Variants in TSPAN14 observed in about 807,000 individuals in gnomAD.
The protein encoded by TSPAN14 is tetraspanin 14.
A neutral mutation model predicts 36.6 loss-of-function variants in TSPAN14; 16 were observed. The observed-to-expected ratio is 0.44, with a 90% CI of 0.30 to 0.66. The LOEUF (loss-of-function observed/expected upper bound fraction) is 0.66. Among genes scored for constraint, TSPAN14 ranks in the 30% least tolerant of loss-of-function variants. The pLI, the probability that TSPAN14 is intolerant of heterozygous loss-of-function variation, is 0.12. For synonymous variants in TSPAN14, 139 were observed against 143.8 expected, an observed-to-expected ratio of 0.97 and a Z score of 0.24; for missense variants, 231 against 355.1, an observed-to-expected ratio of 0.65 and a Z score of 2.81.
At chr10:80,516,173 A>C in intron 7 of TSPAN14, 31 bp from the exon 8 acceptor site, 2 of 1,613,950 alleles carry the variant, frequency 1.2e-6, no homozygotes, top group Non-Finnish European at 1.7e-6. Context: ...TGTGTGCCAA[A>C]GGCTCAGACC....
At chr10:80,503,617 G>A (rs139692063) in intron 2 of TSPAN14, among the ~76,000 whole-genome samples, 238 of 152,174 alleles carry the variant, frequency 1.6e-3, no homozygotes, top group African/African-American at 5.4e-3. Context: ...AAAATACTGG[G>A]CATGTGTGCA....
intron 2 of TSPAN14, among the ~76,000 whole-genome samples, chr10:80,498,169 T>C (rs1197547614): frequency 6.6e-6 from 1 of 152,210 alleles, no homozygotes; most frequent in African/African-American, 2.4e-5. Flanking sequence ...ATCGTCAGCA[T>C]TTCAAGTGGC....
intron 3 of TSPAN14, 73 bp from the exon 4 acceptor site, chr10:80,507,155 C>T (rs1215253583): frequency 2.5e-6 from 4 of 1,576,272 alleles, no homozygotes; most frequent in Non-Finnish European, 3.5e-6. Context: ...TCAGTACCAC[C>T]TGCATCCCCC....
chr10:80,496,914 CTTCT>C (rs1848225816), intron 2 of TSPAN14, among the ~76,000 whole-genome samples: 1 of 151,872 alleles, frequency 6.6e-6, no homozygotes, highest in Non-Finnish European at 1.5e-5. Flanking sequence ...GGGATTTCAT[CTTCT>C]TTGTCATTCT....
At chr10:80,502,251 C>T (rs961593849) in intron 2 of TSPAN14, among the ~76,000 whole-genome samples, 3 of 152,080 alleles carry the variant, frequency 2.0e-5, no homozygotes, top group African/African-American at 7.2e-5. Flanking sequence ...GAAGGAGATG[C>T]CGTGGGAGAT....
chr10:80,459,323 C>T (rs940373102), intron 1 of TSPAN14: 2 of 152,378 alleles, frequency 1.3e-5, no homozygotes, highest in Non-Finnish European at 2.9e-5. Context: ...GGTTGAAACT[C>T]TTCACCCCTT....
chr10:80,491,298 G>A (rs1483453754), intron 2 of TSPAN14, among the ~76,000 whole-genome samples: 2 of 152,202 alleles, frequency 1.3e-5, no homozygotes, highest in Non-Finnish European at 2.9e-5. Context: ...TCCTCATGAT[G>A]TATGGCTTCT....
At chr10:80,459,208 T>G (rs12220642) in intron 1 of TSPAN14, 3 of 150,730 alleles carry the variant, frequency 2.0e-5, no homozygotes, top group Admixed American at 6.6e-5. Flanking sequence ...CCTCCGCCCT[T>G]GGGCTTGGTG....
intron 2 of TSPAN14, among the ~76,000 whole-genome samples, chr10:80,495,328 T>G (rs1017095313): frequency 2.7e-5 from 4 of 149,446 alleles, no homozygotes; most frequent in African/African-American, 1.0e-4. Context: ...TTGACTGTCT[T>G]TTGGCACTGT....
chr10:80,481,637 A>G (rs1847280081), intron 1 of TSPAN14, among the ~76,000 whole-genome samples: 1 of 152,198 alleles, frequency 6.6e-6, no homozygotes. Context: ...TAGAAAGCAG[A>G]TGCATAATGC....
At chr10:80,455,900 C>A (rs908779084) in intron 1 of TSPAN14, among the ~76,000 whole-genome samples, 4 of 152,148 alleles carry the variant, frequency 2.6e-5, no homozygotes, top group African/African-American at 9.7e-5. Flanking sequence ...CGATCCCTAA[C>A]GTTATAGTGA....
intron 3 of TSPAN14, among the ~76,000 whole-genome samples, chr10:80,505,775 G>A (rs1057111503): frequency 2.0e-5 from 3 of 152,212 alleles, no homozygotes; most frequent in Admixed American, 6.5e-5. Context: ...GACTGCAGCC[G>A]CCTAACTGGG....
exon 9 of TSPAN14, chr10:80,518,407 C>T (rs117485833): frequency 0.062 from 12,367 of 199,366 alleles, 572 homozygotes; most frequent in Non-Finnish European, 0.095. Flanking sequence ...GACCCACAGG[C>T]GTGGACAGGG....
chr10:80,512,147 C>G (rs749002852), exon 6 of TSPAN14: 5 of 1,614,042 alleles, frequency 3.1e-6, no homozygotes, highest in Middle Eastern at 3.3e-4. Flanking sequence ...GTTGCAGAAC[C>G]AGTGCTGTGG....
At chr10:80,512,221 C>T (rs267602592) in exon 6 of TSPAN14, 1 of 1,614,210 alleles carries the variant, frequency 6.2e-7, no homozygotes, top group Non-Finnish European at 8.5e-7. Flanking sequence ...CCAGCTACAG[C>T]CGAGAGAAGT....
chr10:80,504,328 C>T (rs1165676004), intron 2 of TSPAN14, among the ~76,000 whole-genome samples: 1 of 152,190 alleles, frequency 6.6e-6, no homozygotes, highest in Non-Finnish European at 1.5e-5. Context: ...CAGTCTCATC[C>T]TGTGTTGGGA....
In TSPAN14 at chr10:80,482,766, G is replaced by A. The variant is rs1281395087; in HGVS notation, c.-17-6451G>A. On this transcript the variant is annotated intron_variant, in intron 1 of 8. Transcript: ENST00000429989. ...TTTTTTTTTTTTGAGACGGAGTTTC[G>A]CTCTTGTTGCCCAGGCTGGAGTGCA... is the stretch of plus-strand genomic sequence containing the variant. 1.1e-4 allele frequency among the ~76,000 whole-genome samples: 13 copies of A among 113,842 alleles called. No individual in the cohort carries two copies. In the East Asian group the frequency reaches 1.7e-3, roughly 15 times the overall value. 74.7% of individuals were successfully genotyped at this position (113,842 alleles called of 152,430 possible).
chr10:80,489,564 G>A (rs576328257), intron 2 of TSPAN14, among the ~76,000 whole-genome samples: 1 of 152,346 alleles, frequency 6.6e-6, no homozygotes, highest in East Asian at 1.9e-4. Flanking sequence ...TGGGGCTCTG[G>A]CCCAGATGCC....
chr10:80,490,016 A>G (rs1213577719), intron 2 of TSPAN14, among the ~76,000 whole-genome samples: 1 of 152,224 alleles, frequency 6.6e-6, no homozygotes, highest in East Asian at 1.9e-4. Flanking sequence ...GAAGGGACAC[A>G]GGTGGGGACA....
Sources: allele counts gnomAD v4.1 joint callset (sites outside exome capture counted in the v4.1 genomes callset), GRCh38; gene constraint gnomAD v4.1.1; transcripts MANE v1.5; gene names NCBI Gene and HGNC (gene_info 2026-07-23, HGNC 2026-07-21).